Variants in NEBL observed in about 807,000 individuals in gnomAD.
NEBL encodes LIM and SH3 protein 2.
Under a neutral mutation model 140.2 loss-of-function variants are expected in NEBL, and 122 were observed. The observed-to-expected ratio is 0.87, with a 90% CI of 0.75 to 1.01. NEBL has a LOEUF of 1.01. Ranked by LOEUF, NEBL falls within the 50% of genes least tolerant of loss-of-function variation. The pLI is 0.00. For synonymous variants in NEBL, 436 were observed against 398.9 expected (o/e 1.09, Z -1.11); for missense variants, 1,365 against 1,231.3 (o/e 1.11, Z -1.62).
rs550176620 is a variant in NEBL at position 21,105,599 on chromosome 10, G to C, written c.164+66784C>G. Among the ~76,000 whole-genome samples, 3 of 152,194 alleles carry C rather than the reference G, an allele frequency of 2.0e-5. 1 individual carries two copies. The South Asian group carries it at 6.2e-4, about 32-fold the overall frequency. Reference sequence around the variant, plus strand: ...TCCAGTCTATCATTGATGGACATTTGGGTTGGTTCCAAGTCTTTGCTATTG... The same window carrying C: ...TCCAGTCTATCATTGATGGACATTTCGGTTGGTTCCAAGTCTTTGCTATTG... On this transcript the variant is annotated intron_variant, in intron 2 of 6. Coordinates refer to the NEBL transcript ENST00000417816.
chr10:21,031,099 A>T (rs1415222333), intron 2 of NEBL, among the ~76,000 whole-genome samples: 1 of 152,226 alleles, frequency 6.6e-6, no homozygotes, highest in African/African-American at 2.4e-5. Context: ...GTCTTCGTGG[A>T]TGTCTGTCCC....
chr10:21,273,786 C>A (rs745942061), intron 1 of NEBL, among the ~76,000 whole-genome samples: 3 of 152,190 alleles, frequency 2.0e-5, no homozygotes, highest in Non-Finnish European at 2.9e-5. Flanking sequence ...GGACCAAAGG[C>A]TCCCAGGGTT....
chr10:21,214,537 ACACACATG>A (rs897897352), intron 3 of NEBL, among the ~76,000 whole-genome samples: 1 of 151,442 alleles, frequency 6.6e-6, no homozygotes, highest in Admixed American at 6.6e-5. Flanking sequence ...ACACACACAT[ACACACATG>A]CACACACATG....
At chr10:21,221,914 G>A (rs886459198) in intron 3 of NEBL, among the ~76,000 whole-genome samples, 4 of 151,378 alleles carry the variant, frequency 2.6e-5, no homozygotes, top group African/African-American at 9.7e-5. Flanking sequence ...TGAGACCTAG[G>A]TGCCCATCCT....
intron 3 of NEBL, among the ~76,000 whole-genome samples, chr10:20,997,470 GTAAAAAAAAAAAAAAAAA>G (rs1837713222): frequency 3.6e-5 from 1 of 27,450 alleles, no homozygotes; most frequent in African/African-American, 1.3e-4. Flanking sequence ...CACAGTCTCA[GTAAAAAAAAAAAAAAAAA>G]AAAAAAAAAA....
At chr10:21,142,930 G>A (rs545277391) in intron 2 of NEBL, among the ~76,000 whole-genome samples, 3 of 152,270 alleles carry the variant, frequency 2.0e-5, no homozygotes, top group African/African-American at 7.2e-5. Flanking sequence ...AAAAAGGTTG[G>A]GGATGGCTGG....
At chr10:20,943,781 G>A (rs954235391) in intron 4 of NEBL, among the ~76,000 whole-genome samples, 1 of 152,104 alleles carries the variant, frequency 6.6e-6, no homozygotes, top group African/African-American at 2.4e-5. Flanking sequence ...CAGTTACTAG[G>A]ATCCTACTTC....
chr10:21,065,462 A>G (rs964642253), intron 2 of NEBL, among the ~76,000 whole-genome samples: 1 of 152,246 alleles, frequency 6.6e-6, no homozygotes, highest in Non-Finnish European at 1.5e-5. Context: ...TTTTCCACCC[A>G]CAGTGCCGAA....
chr10:21,213,884 C>T (rs1162428177), intron 3 of NEBL, among the ~76,000 whole-genome samples: 5 of 152,148 alleles, frequency 3.3e-5, no homozygotes, highest in African/African-American at 1.2e-4. Context: ...GCTCGAGACA[C>T]CACACATCAT....
chr10:20,814,584 A>G (rs1207979147), intron 22 of NEBL, among the ~76,000 whole-genome samples: 1 of 151,246 alleles, frequency 6.6e-6, no homozygotes, highest in Non-Finnish European at 1.5e-5. Flanking sequence ...CCCGGGCAAC[A>G]GAGACTGTGT....
chr10:20,958,140 G>C (rs531283773), intron 4 of NEBL, among the ~76,000 whole-genome samples: 3 of 152,204 alleles, frequency 2.0e-5, no homozygotes, highest in Non-Finnish European at 4.4e-5. Context: ...ACATGAGCTA[G>C]CCCAGTAGCA....
In NEBL at chr10:20,799,898, C is replaced by G. The variant is rs149323613; in HGVS notation, c.2761+8612G>C. Reference sequence around the variant, plus strand: ...TGGTAAAATGGTTACTATAGTGAAGCAAATTATCATACCTACCATCTGGCA... The same window carrying G: ...TGGTAAAATGGTTACTATAGTGAAGGAAATTATCATACCTACCATCTGGCA... On this transcript the variant is annotated intron_variant, in intron 26 of 27. Transcript: ENST00000377122. Among the ~76,000 whole-genome samples the G allele has an allele frequency of 4.2e-3, 634 of 151,876 alleles. 4 individuals are homozygous for G. Among genetic ancestry groups the G allele is most frequent in the African/African-American group, 0.015 (609 of 41,402 alleles).
chr10:21,103,282 C>G (rs1487154416), intron 2 of NEBL, among the ~76,000 whole-genome samples: 2 of 149,912 alleles, frequency 1.3e-5, no homozygotes. Flanking sequence ...GCTGCAATCT[C>G]GGCCCACTGC....
At position 21,063,104 on chromosome 10, in the gene NEBL, A is replaced by C. The variant is rs558524201; in HGVS notation, c.165-42903T>G. The stretch of plus-strand genomic sequence containing the variant: ...GTGATATCAGCATGGGGATGCCTGC[A>C]ACATAACTGCGGGTGCTCCATTGCT... On this transcript the variant is annotated intron_variant, in intron 2 of 6. Transcript: ENST00000417816. Among the ~76,000 whole-genome samples the C allele has an allele frequency of 3.3e-5, 5 of 152,280 alleles. No individual in the cohort carries two copies. The South Asian group carries it at 1.0e-3, about 32-fold the overall frequency.
chr10:21,227,732 C>CTTTCTTCTTT (rs1404292728), intron 3 of NEBL, among the ~76,000 whole-genome samples: 2 of 129,832 alleles, frequency 1.5e-5, no homozygotes, highest in African/African-American at 6.5e-5. Flanking sequence ...TCTTCTTCTT[C>CTTTCTTCTTT]TTCTTCTTCT....
Position 20,972,507 on chromosome 10 carries a change from G to A in NEBL, c.250-10728C>T, listed in dbSNP as rs577581012. Among the ~76,000 whole-genome samples the A allele has an allele frequency of 2.6e-5, 4 of 152,270 alleles. 1 individual carries two copies. Among genetic ancestry groups the A allele is most frequent in the South Asian group, 4.2e-4 (2 of 4,818 alleles). ...TGCCTGTAATCCCAGCACTTTGGAA[G>A]GCCAAGGTGGGCGGATCATGAGGTC... On this transcript the variant is annotated intron_variant, in intron 3 of 6. Coordinates refer to the NEBL transcript ENST00000417816.
intron 26 of NEBL, among the ~76,000 whole-genome samples, chr10:20,788,558 G>C (rs1439424778): frequency 6.6e-6 from 1 of 152,060 alleles, no homozygotes; most frequent in Non-Finnish European, 1.5e-5. Flanking sequence ...TAGATTGAAA[G>C]GGGATTTTTT....
chr10:21,245,542 GTTGT>G (rs1425561067), intron 3 of NEBL, among the ~76,000 whole-genome samples: 1 of 152,048 alleles, frequency 6.6e-6, no homozygotes, highest in Non-Finnish European at 1.5e-5. Flanking sequence ...TGTTGTTGTT[GTTGT>G]TTTGAGACAC....
At chr10:21,159,171 A>G (rs571372431) in intron 2 of NEBL, among the ~76,000 whole-genome samples, 4 of 152,218 alleles carry the variant, frequency 2.6e-5, no homozygotes, top group Non-Finnish European at 2.9e-5. Context: ...CACTTTTTCA[A>G]TCAGGATTTT....
Sources: allele counts gnomAD v4.1 joint callset (sites outside exome capture counted in the v4.1 genomes callset), GRCh38; gene constraint gnomAD v4.1.1; transcripts MANE v1.5; gene names NCBI Gene and HGNC (gene_info 2026-07-23, HGNC 2026-07-21).